The following PTPRD variants were observed in gnomAD, a reference collection of about 807,000 sequenced individuals.
PTPRD encodes the protein protein tyrosine phosphatase receptor type D.
A neutral mutation model predicts 214.5 loss-of-function variants in PTPRD; 34 were observed. That is an observed-to-expected ratio of 0.16 (90% confidence interval 0.12 to 0.21). PTPRD has a LOEUF of 0.21. PTPRD is among the 10% of genes least tolerant of loss of function. The pLI, the probability that PTPRD is intolerant of heterozygous loss-of-function variation, is 1.00. For missense variants in PTPRD, 2,545 were observed against 2,398.7 expected (o/e 1.06, Z -1.27); for synonymous variants, 1,128 against 845.7 (o/e 1.33, Z -5.79).
chr9:9,851,316 C>A (rs2060500803), intron 5 of PTPRD, among the ~76,000 whole-genome samples: 1 of 152,220 alleles, frequency 6.6e-6, no homozygotes, highest in Non-Finnish European at 1.5e-5. Flanking sequence ...TTAAGGTGAA[C>A]TGCTCTCGTC....
chr9:9,843,951 A>G (rs529488141), intron 5 of PTPRD, among the ~76,000 whole-genome samples: 18 of 151,932 alleles, frequency 1.2e-4, no homozygotes, highest in Non-Finnish European at 2.5e-4. Flanking sequence ...GAGCTTCACT[A>G]CATTTAATGG....
intron 11 of PTPRD, among the ~76,000 whole-genome samples, chr9:8,850,906 A>C (rs567529671): frequency 9.8e-5 from 15 of 152,352 alleles, no homozygotes; most frequent in Admixed American, 7.8e-4. Context: ...AAGACGGAGA[A>C]AATTTTTATT....
At position 9,992,422 on chromosome 9, in the gene PTPRD, C is replaced by G. The variant is rs183189922; in HGVS notation, c.-472+41296G>C. Among the ~76,000 whole-genome samples, 428 of 152,290 alleles carry G rather than the reference C, an allele frequency of 2.8e-3. 2 individuals are homozygous for G. The highest frequency in any genetic ancestry group is 4.4e-3 in the Non-Finnish European group (299 of 68,022). On this transcript the variant is annotated intron_variant, in intron 4 of 45. Transcript: ENST00000381196. ...CCTCAAGGATCTAGAACTAGAAATT[C>G]CATTTGACCCAGCCATCCCATTACT...
At chr9:9,441,831 C>A (rs1228307102) in intron 8 of PTPRD, among the ~76,000 whole-genome samples, 7 of 152,196 alleles carry the variant, frequency 4.6e-5, no homozygotes, top group Admixed American at 4.6e-4. Flanking sequence ...TGGTGTCATG[C>A]TAAGGACAAT....
intron 3 of PTPRD, among the ~76,000 whole-genome samples, chr9:10,284,878 T>A (rs963787141): frequency 1.3e-5 from 2 of 152,190 alleles, no homozygotes; most frequent in Non-Finnish European, 2.9e-5. Flanking sequence ...ACAGGGAATG[T>A]AAGGAATTGA....
chr9:9,631,192 C>A (rs541112711), intron 7 of PTPRD, among the ~76,000 whole-genome samples: 14 of 139,558 alleles, frequency 1.0e-4, no homozygotes, highest in African/African-American at 3.5e-4. Context: ...GTATCTCATT[C>A]ATAAATAAAT....
At chr9:8,826,876 G>C (rs916867590) in intron 11 of PTPRD, among the ~76,000 whole-genome samples, 1 of 151,884 alleles carries the variant, frequency 6.6e-6, no homozygotes, top group Non-Finnish European at 1.5e-5. Context: ...CCACACACTG[G>C]TTCTCATCAT....
At chr9:8,792,420 A>G (rs2096266659) in intron 11 of PTPRD, among the ~76,000 whole-genome samples, 1 of 152,224 alleles carries the variant, frequency 6.6e-6, no homozygotes, top group Admixed American at 6.5e-5. Flanking sequence ...GCTTATGGAA[A>G]TACTAACGGC....
intron 10 of PTPRD, among the ~76,000 whole-genome samples, chr9:9,126,353 T>G (rs1053241218): frequency 4.6e-5 from 7 of 152,178 alleles, no homozygotes; most frequent in Admixed American, 3.9e-4. Flanking sequence ...CACTGTCCAA[T>G]AGGCCATAAT....
chr9:10,245,443 A>T (rs1467571408), intron 3 of PTPRD, among the ~76,000 whole-genome samples: 1 of 152,206 alleles, frequency 6.6e-6, no homozygotes, highest in African/African-American at 2.4e-5. Flanking sequence ...ATGACTCCGT[A>T]CACAATGCAT....
chr9:10,389,249 A>C (rs16925940), intron 2 of PTPRD, among the ~76,000 whole-genome samples: 5,583 of 151,994 alleles, frequency 0.037, 345 homozygotes, highest in African/African-American at 0.13. Flanking sequence ...TGAAAGGTTT[A>C]CAAATAACAG....
At chr9:10,521,846 G>A (rs1566712824) in intron 2 of PTPRD, among the ~76,000 whole-genome samples, 1 of 152,074 alleles carries the variant, frequency 6.6e-6, no homozygotes, top group Admixed American at 6.6e-5. Context: ...ACAATTAATA[G>A]GCTACAGTAT....
At chr9:10,131,556 C>T (rs971808208) in intron 3 of PTPRD, among the ~76,000 whole-genome samples, 5 of 152,038 alleles carry the variant, frequency 3.3e-5, no homozygotes, top group Non-Finnish European at 5.9e-5. Context: ...ATCCCAAATC[C>T]GTGACCAACT....
intron 2 of PTPRD, among the ~76,000 whole-genome samples, chr9:10,550,251 A>G (rs1230212927): frequency 6.6e-6 from 1 of 152,198 alleles, no homozygotes; most frequent in Non-Finnish European, 1.5e-5. Context: ...CTGACAAAAT[A>G]AATCAAGTAC....
At chr9:8,730,564 G>A (rs554704205) in intron 12 of PTPRD, among the ~76,000 whole-genome samples, 8 of 152,182 alleles carry the variant, frequency 5.3e-5, no homozygotes, top group Non-Finnish European at 8.8e-5. Context: ...GAGTGAAACT[G>A]GTCTGACAAA....
intron 3 of PTPRD, among the ~76,000 whole-genome samples, chr9:10,199,913 A>ACG (rs1564479866): frequency 6.8e-6 from 1 of 147,018 alleles, no homozygotes; most frequent in East Asian, 2.1e-4. Flanking sequence ...GCACACACGC[A>ACG]CACACACACA....
chr9:10,433,400 C>T (rs984515004), intron 2 of PTPRD, among the ~76,000 whole-genome samples: 1 of 151,928 alleles, frequency 6.6e-6, no homozygotes, highest in Non-Finnish European at 1.5e-5. Flanking sequence ...CTACTAGTTT[C>T]AGGACATAGT....
chr9:10,161,837 G>C (rs180849760), intron 3 of PTPRD, among the ~76,000 whole-genome samples: 63 of 151,530 alleles, frequency 4.2e-4, no homozygotes, highest in African/African-American at 1.3e-3. Flanking sequence ...AGCTGAAATG[G>C]CTCAATAGCA....
At chr9:8,660,562 CCTCCCCAGCTGG>C in intron 12 of PTPRD, among the ~76,000 whole-genome samples, 1 of 152,236 alleles carries the variant, frequency 6.6e-6, no homozygotes, top group South Asian at 2.1e-4. Context: ...CCTCCAGGAT[CCTCCCCAGCTGG>C]CTCCCAGCCC....
Sources: allele counts gnomAD v4.1 joint callset (sites outside exome capture counted in the v4.1 genomes callset), GRCh38; gene constraint gnomAD v4.1.1; transcripts MANE v1.5; gene names NCBI Gene and HGNC (gene_info 2026-07-23, HGNC 2026-07-21).